The following SUGCT variants were observed in gnomAD, a reference collection of about 807,000 sequenced individuals.
SUGCT encodes succinyl-CoA:glutarate-CoA transferase.
In SUGCT, 41 loss-of-function variants were observed where a neutral mutation model predicts 55.0. That is an observed-to-expected ratio of 0.74 (90% CI 0.58 to 0.97). SUGCT has a LOEUF of 0.97. Ranked by LOEUF, SUGCT falls within the 50% of genes least tolerant of loss-of-function variation. The pLI is 0.00. For synonymous variants in SUGCT, 187 were observed against 200.4 expected, an observed-to-expected ratio of 0.93 and a Z score of 0.56; for missense variants, 568 against 547.8, an observed-to-expected ratio of 1.04 and a Z score of -0.37.
intron 9 of SUGCT, among the ~76,000 whole-genome samples, chr7:40,433,081 C>T (rs1297707828): frequency 6.6e-6 from 1 of 152,058 alleles, no homozygotes; most frequent in African/African-American, 2.4e-5. Flanking sequence ...TTGATCAAGT[C>T]TGCTATTGAA....
chr7:41,025,549 A>T, the SUGCT span, among the ~76,000 whole-genome samples: 1 of 151,862 alleles, frequency 6.6e-6, no homozygotes, highest in African/African-American at 2.4e-5. Flanking sequence ...TAGAGATAGG[A>T]TTTCACCATA....
At chr7:40,747,927 AT>A (rs971752534) in intron 12 of SUGCT, among the ~76,000 whole-genome samples, 17 of 151,964 alleles carry the variant, frequency 1.1e-4, no homozygotes, top group African/African-American at 4.1e-4. Context: ...GGCACTGGGG[AT>A]TTTGTCTTTT....
chr7:40,825,733 C>T (rs1380764880), intron 13 of SUGCT, among the ~76,000 whole-genome samples: 1 of 152,094 alleles, frequency 6.6e-6, no homozygotes, highest in African/African-American at 2.4e-5. Flanking sequence ...ATCCGACGGT[C>T]CAAACAGGCA....
At chr7:40,984,432 C>T in the SUGCT span, among the ~76,000 whole-genome samples, 1 of 152,096 alleles carries the variant, frequency 6.6e-6, no homozygotes, top group African/African-American at 2.4e-5. Flanking sequence ...AGTGACTTTC[C>T]TATAGCCATA....
chr7:40,552,669 A>G (rs1795358879), intron 12 of SUGCT, among the ~76,000 whole-genome samples: 1 of 152,188 alleles, frequency 6.6e-6, no homozygotes, highest in Non-Finnish European at 1.5e-5. Flanking sequence ...TCTGGGTGAC[A>G]TCTTCCATCA....
At chr7:40,954,170 C>G in the SUGCT span, among the ~76,000 whole-genome samples, 1 of 152,228 alleles carries the variant, frequency 6.6e-6, no homozygotes, top group Non-Finnish European at 1.5e-5. Context: ...CCTCCCCCAG[C>G]CTTGCTGCTG....
chr7:40,657,500 G>A (rs1053729706), intron 12 of SUGCT, among the ~76,000 whole-genome samples: 2 of 131,752 alleles, frequency 1.5e-5, no homozygotes, highest in African/African-American at 5.2e-5. Context: ...TAGTAATCTC[G>A]TGAGGTAGAT....
the SUGCT span, among the ~76,000 whole-genome samples, chr7:41,015,292 TA>T: frequency 3.3e-5 from 5 of 152,192 alleles, no homozygotes; most frequent in African/African-American, 1.2e-4. Flanking sequence ...ATGATGATGA[TA>T]ATATATATAT....
At chr7:40,844,683 C>T (rs988015728) in intron 13 of SUGCT, among the ~76,000 whole-genome samples, 8 of 152,276 alleles carry the variant, frequency 5.3e-5, no homozygotes, top group African/African-American at 1.7e-4. Flanking sequence ...CATTTTGGAC[C>T]GCAGGTCCAG....
the SUGCT span, among the ~76,000 whole-genome samples, chr7:41,017,517 T>A: frequency 6.6e-6 from 1 of 152,146 alleles, no homozygotes; most frequent in African/African-American, 2.4e-5. Flanking sequence ...ACGCCTGTAA[T>A]CCCAGCACTT....
intron 9 of SUGCT, among the ~76,000 whole-genome samples, chr7:40,341,026 A>G (rs1797015534): frequency 1.3e-5 from 2 of 152,340 alleles, no homozygotes; most frequent in South Asian, 4.1e-4. Context: ...TATGACATCC[A>G]TTATGAGGGT....
At chr7:40,605,047 C>A (rs1358715391) in intron 12 of SUGCT, among the ~76,000 whole-genome samples, 1 of 152,206 alleles carries the variant, frequency 6.6e-6, no homozygotes, top group East Asian at 1.9e-4. Flanking sequence ...GCAGCACACG[C>A]GTCCGCCTCT....
At chr7:41,022,770 G>A in the SUGCT span, among the ~76,000 whole-genome samples, 5 of 151,874 alleles carry the variant, frequency 3.3e-5, no homozygotes, top group Non-Finnish European at 5.9e-5. Context: ...TGTAAAAATA[G>A]GAATAGAATA....
intron 8 of SUGCT, among the ~76,000 whole-genome samples, chr7:40,315,114 A>T (rs987449534): frequency 2.8e-4 from 9 of 31,950 alleles, no homozygotes; most frequent in Non-Finnish European, 1.1e-3. Context: ...TGCTTTTTTA[A>T]AAAAAATTTG....
the SUGCT span, among the ~76,000 whole-genome samples, chr7:41,015,365 G>T: frequency 6.6e-6 from 1 of 152,154 alleles, no homozygotes; most frequent in Non-Finnish European, 1.5e-5. Flanking sequence ...ATTAGAACAG[G>T]CTGTTGCTTT....
At chr7:40,616,051 A>C (rs763698950) in intron 12 of SUGCT, among the ~76,000 whole-genome samples, 2 of 152,212 alleles carry the variant, frequency 1.3e-5, no homozygotes, top group Admixed American at 6.5e-5. Context: ...TCACTACCTA[A>C]TGTGAAAAAT....
chr7:40,472,166 A>G (rs944196588), intron 11 of SUGCT, among the ~76,000 whole-genome samples: 1 of 152,126 alleles, frequency 6.6e-6, no homozygotes, highest in Non-Finnish European at 1.5e-5. Context: ...CGATAATTCT[A>G]TTTTGAAATA....
At chr7:40,458,440 C>T (rs1158854679) in intron 10 of SUGCT, among the ~76,000 whole-genome samples, 1 of 152,150 alleles carries the variant, frequency 6.6e-6, no homozygotes, top group African/African-American at 2.4e-5. Flanking sequence ...TCTATAAAAG[C>T]ATTTCTAGTT....
chr7:40,433,316 T>A (rs890909928), intron 9 of SUGCT, among the ~76,000 whole-genome samples: 4 of 151,630 alleles, frequency 2.6e-5, no homozygotes, highest in African/African-American at 9.7e-5. Context: ...GTCCTTTGAT[T>A]GGGTCATGTT....
Sources: gnomAD v4.1 joint callset for allele counts (sites outside exome capture counted in the v4.1 genomes callset) on GRCh38, gnomAD v4.1.1 for gene constraint, MANE v1.5 for transcripts, NCBI Gene and HGNC (gene_info 2026-07-23, HGNC 2026-07-21) for gene names.